Variants in ZFYVE1 observed in about 807,000 individuals in gnomAD.
The protein encoded by ZFYVE1 is zinc finger FYVE domain-containing protein 1.
Under a neutral mutation model 74.4 loss-of-function variants are expected in ZFYVE1, and 30 were observed. That is an observed-to-expected ratio of 0.40 (90% CI 0.30 to 0.55). ZFYVE1 has a LOEUF of 0.55. Ranked by LOEUF, ZFYVE1 falls within the 20% of genes least tolerant of loss-of-function variation. The probability of loss-of-function intolerance (pLI) is 0.42; values close to 1 mark genes in which losing one functional copy is unlikely to be tolerated. For missense variants in ZFYVE1, 703 were observed against 1,011.6 expected, an observed-to-expected ratio of 0.69 and a Z score of 4.14; for synonymous variants, 335 against 385.1, an observed-to-expected ratio of 0.87 and a Z score of 1.52.
intron 4 of ZFYVE1, among the ~76,000 whole-genome samples, chr14:72,987,308 G>A (rs1260425339): frequency 6.6e-6 from 1 of 152,148 alleles, no homozygotes; most frequent in East Asian, 1.9e-4. Flanking sequence ...GATCACTCCT[G>A]GTAATCCCAT....
intron 11 of ZFYVE1, among the ~76,000 whole-genome samples, chr14:72,972,768 T>G (rs1893067449): frequency 6.6e-6 from 1 of 151,070 alleles, no homozygotes; most frequent in Non-Finnish European, 1.5e-5. Flanking sequence ...AGTGCAGTGG[T>G]GCGATCTCGC....
intron 2 of ZFYVE1, among the ~76,000 whole-genome samples, chr14:73,007,986 C>T (rs1241672907): frequency 6.6e-6 from 1 of 152,138 alleles, no homozygotes; most frequent in Non-Finnish European, 1.5e-5. Context: ...GCACATTTGG[C>T]AGGGGCAAAG....
chr14:72,971,202 T>C, intron 11 of ZFYVE1, 88 bp from the exon 12 acceptor site: 1 of 1,340,722 alleles, frequency 7.5e-7, no homozygotes, highest in South Asian at 1.3e-5. Flanking sequence ...GCTTACTGGC[T>C]TATAATCCCA....
rs1210883967 is a variant in ZFYVE1 at position 72,997,836 on chromosome 14, G to A, written c.963C>T (p.Thr321=). ...CAGAGCCCAGTAGCTGGGTGTGCACGGTCTCATGGAAGATGATAACTGCAG... is the reference window on the plus strand; with the variant it reads ...CAGAGCCCAGTAGCTGGGTGTGCACAGTCTCATGGAAGATGATAACTGCAG... ...LGPAVIIFHE[T]VHTQLLGSDH... is the part of the protein sequence containing the mutation. The change falls in exon 3 of 12, where the codon ACC becomes ACT. Residue 321 remains threonine (T), a synonymous_variant. Coordinates refer to ENST00000556143, the MANE Select transcript of ZFYVE1 (RefSeq NM_021260.4). The A allele has an allele frequency of 3.1e-6, 5 of 1,599,022 alleles. No homozygotes were observed. Among genetic ancestry groups the A allele is most frequent in the Middle Eastern group, 1.7e-4 (1 of 6,012 alleles).
rs1193222542 is a variant in ZFYVE1 at position 72,974,685 on chromosome 14, T to C, written c.1987+94A>G. 4.1e-6 allele frequency: 6 copies of C among 1,453,884 alleles called. No homozygotes were observed. The Admixed American group carries it at 6.7e-5, about 16-fold the overall frequency. The allele number at this position is 1,453,884 out of a possible 1,614,324, so 90.1% of individuals were successfully genotyped here. A position where few individuals can be genotyped will look rare whatever the true frequency, so the allele number is the denominator to read the frequency against. On this transcript the variant is annotated intron_variant, in intron 10 of 11. Transcript: ENST00000556143. The stretch of plus-strand genomic sequence containing the variant: ...CAGAAGTACTCTCACAAGGGAGATG[T>C]GGATTAGGGCATCTGGATATCCAGT...
chr14:72,976,901 T>G (rs1286206637), intron 8 of ZFYVE1, among the ~76,000 whole-genome samples: 2 of 152,102 alleles, frequency 1.3e-5, no homozygotes, highest in Non-Finnish European at 2.9e-5. Context: ...ACGGTGGCTT[T>G]AGGAATCACC....
intron 2 of ZFYVE1, among the ~76,000 whole-genome samples, chr14:73,014,689 A>G (rs1894154730): frequency 6.6e-6 from 1 of 152,230 alleles, no homozygotes; most frequent in Admixed American, 6.5e-5. Flanking sequence ...AAATGGGAAA[A>G]TTCAACAATT....
chr14:73,017,507 G>A (rs1894226287), intron 2 of ZFYVE1, among the ~76,000 whole-genome samples: 2 of 152,030 alleles, frequency 1.3e-5, no homozygotes, highest in African/African-American at 2.4e-5. Context: ...TCTCTTTTTT[G>A]TACTAATCAG....
At position 72,978,024 on chromosome 14, in the gene ZFYVE1, T is replaced by A. The variant is rs768464792; in HGVS notation, c.1538A>T (p.Asn513Ile). The A allele has an allele frequency of 1.3e-5, 21 of 1,614,058 alleles. No homozygotes were observed. The highest frequency in any genetic ancestry group is 1.8e-5 in the Non-Finnish European group (21 of 1,180,044). ...CCGACTACGATAGACCACGCCACAG[T>A]TAGGACATTCGATCACATACCTACA... ...AWSGYVIECP[N>I]CGVVYRSRQY... is the part of the protein sequence containing the mutation. Residue 513 changes from asparagine to isoleucine, a missense_variant, in exon 8 of 12, where the codon AAC (asparagine) becomes ATC (isoleucine). Around this residue, in one of 2 missense-constraint regions of ZFYVE1, gnomAD observed 492 missense variants for 790.0 expected, o/e 0.62. Coordinates refer to ENST00000556143, the MANE Select transcript of ZFYVE1 (RefSeq NM_021260.4).
chr14:73,025,407 G>T (rs1482071138), intron 1 of ZFYVE1, among the ~76,000 whole-genome samples: 2 of 151,550 alleles, frequency 1.3e-5, no homozygotes, highest in African/African-American at 4.8e-5. Context: ...ACACTGGCTT[G>T]TTGTATAGCC....
At chr14:73,014,529 C>A (rs61986546) in intron 2 of ZFYVE1, among the ~76,000 whole-genome samples, 19,952 of 152,200 alleles carry the variant, frequency 0.13, 1,615 homozygotes, top group East Asian at 0.2. Context: ...ACAGCTCCTA[C>A]GAAGATCTAT....
chr14:72,999,137 T>A (rs1386064828), intron 2 of ZFYVE1, among the ~76,000 whole-genome samples: 1 of 151,584 alleles, frequency 6.6e-6, no homozygotes, highest in African/African-American at 2.4e-5. Flanking sequence ...CTACAAAAAA[T>A]AAAAAATGAG....
intron 1 of ZFYVE1, among the ~76,000 whole-genome samples, chr14:73,025,214 G>A (rs114254524): frequency 0.017 from 2,536 of 151,674 alleles, 54 homozygotes; most frequent in East Asian, 0.048. Flanking sequence ...GATTACACGC[G>A]CTAGCCACAA....
chr14:73,004,609 C>G (rs554195058), intron 2 of ZFYVE1, among the ~76,000 whole-genome samples: 1 of 152,234 alleles, frequency 6.6e-6, no homozygotes, highest in East Asian at 1.9e-4. Context: ...GCAAATAATA[C>G]TCCTGGGAGG....
chr14:73,011,261 G>GA (rs1461718767), intron 2 of ZFYVE1, among the ~76,000 whole-genome samples: 4 of 151,778 alleles, frequency 2.6e-5, no homozygotes, highest in Non-Finnish European at 5.9e-5. Context: ...TAGGCGAGTA[G>GA]ATCACTCGAG....
intron 4 of ZFYVE1, among the ~76,000 whole-genome samples, chr14:72,984,550 C>T (rs1001802391): frequency 1.3e-5 from 2 of 151,494 alleles, no homozygotes; most frequent in African/African-American, 4.8e-5. Flanking sequence ...AAATTGAAAA[C>T]ATGAAGATCT....
chr14:73,011,770 C>A (rs1202829805), intron 2 of ZFYVE1, among the ~76,000 whole-genome samples: 1 of 150,768 alleles, frequency 6.6e-6, no homozygotes, highest in African/African-American at 2.4e-5. Context: ...GATCCACCTG[C>A]CTCTGCCTCC....
At position 73,016,274 on chromosome 14, in the gene ZFYVE1, G is replaced by A. The variant is rs1476551483; in HGVS notation, c.483+7752C>T. Among the ~76,000 whole-genome samples the A allele has an allele frequency of 2.6e-5, 4 of 152,356 alleles. No homozygotes were observed. The East Asian group carries it at 5.8e-4, about 22-fold the overall frequency. On this transcript the variant is annotated intron_variant, in intron 2 of 11. Coordinates refer to ENST00000556143, the MANE Select transcript of ZFYVE1 (RefSeq NM_021260.4). ...CGCCTGTAATCCCATCACTTTGGGA[G>A]GCCAAGGCAGGCGGATCACAAGGTC...
At chr14:72,989,789 C>A (rs777740621) in intron 4 of ZFYVE1, among the ~76,000 whole-genome samples, 3 of 151,392 alleles carry the variant, frequency 2.0e-5, no homozygotes, top group African/African-American at 4.9e-5. Flanking sequence ...CAGAGCAAGA[C>A]CCTGTCTCAA....
Sources: gnomAD v4.1 joint callset for allele counts (sites outside exome capture counted in the v4.1 genomes callset) on GRCh38, gnomAD v4.1.1 for gene constraint, gnomAD v4.1.1 regional missense constraint, MANE v1.5 for transcripts, NCBI Gene and HGNC (gene_info 2026-07-23, HGNC 2026-07-21) for gene names.